Variants in ZNF430 observed in about 807,000 individuals in gnomAD.
ZNF430 encodes the protein zinc finger protein 430.
Under a neutral mutation model 56.7 loss-of-function variants are expected in ZNF430, and 35 were observed. That is an observed-to-expected ratio of 0.62 (90% confidence interval 0.47 to 0.82). The LOEUF is 0.82. Ranked by LOEUF, ZNF430 falls within the 40% of genes least tolerant of loss-of-function variation. The pLI is 0.00. For missense variants in ZNF430, 574 were observed against 661.0 expected (o/e 0.87, Z 1.44); for synonymous variants, 212 against 224.3 (o/e 0.94, Z 0.49).
chr19:21,041,816 C>T (rs1448109777), intron 4 of ZNF430, among the ~76,000 whole-genome samples: 2 of 152,146 alleles, frequency 1.3e-5, no homozygotes, highest in Non-Finnish European at 2.9e-5. Flanking sequence ...CTGGTTCAAG[C>T]GATTCTCCTG....
chr19:21,026,005 G>T, intron 2 of ZNF430: 1 of 389,026 alleles, frequency 2.6e-6, no homozygotes, highest in Non-Finnish European at 4.9e-6. Flanking sequence ...GTGGGCCCCA[G>T]ATCCATGGCA....
intron 4 of ZNF430, among the ~76,000 whole-genome samples, chr19:21,054,669 C>CTTTTTTTTTTTTTTTCTTTTTTTTTTTTT (rs1968339816): frequency 1.5e-5 from 1 of 65,582 alleles, no homozygotes; most frequent in African/African-American, 6.4e-5. Flanking sequence ...ATTTTTACGT[C>CTTTTTTTTTTTTTTTCTTTTTTTTTTTTT]TTTTTTTTTT....
intron 2 of ZNF430, among the ~76,000 whole-genome samples, chr19:21,026,482 C>A (rs781724840): frequency 6.6e-6 from 1 of 152,034 alleles, no homozygotes; most frequent in African/African-American, 2.4e-5. Context: ...CCACCGTGCC[C>A]GGCCAATCTC....
At chr19:21,021,102 GATCGTCACGGGAGAATCGTCACGGGAGA>G (rs970974993) in intron 1 of ZNF430, among the ~76,000 whole-genome samples, 6 of 152,176 alleles carry the variant, frequency 3.9e-5, no homozygotes, top group African/African-American at 7.2e-5. Flanking sequence ...ACCACGGGAG[GATCGTCACGGGAGAATCGTCACGGGAGA>G]ATCCTGACTT....
chr19:21,029,373 C>T (rs188059875), intron 2 of ZNF430, among the ~76,000 whole-genome samples: 1 of 151,154 alleles, frequency 6.6e-6, no homozygotes, highest in Non-Finnish European at 1.5e-5. Flanking sequence ...ATATATTTAT[C>T]TTCTAGTATA....
chr19:21,057,684 G>A lies in ZNF430; in HGVS notation c.1376G>A (p.Cys459Tyr). The change falls in exon 5 of 5, where the codon TGT becomes TAT. Residue 459 changes from cysteine to tyrosine, a missense_variant. Physicochemically the swap from Cys to Tyr is radical, Grantham distance 194 (BLOSUM62 -2). Around this residue, in one of 3 missense-constraint regions of ZNF430, gnomAD observed 213 missense variants for 221.0 expected, o/e 0.96. Coordinates refer to ENST00000261560, the MANE Select transcript of ZNF430 (RefSeq NM_025189.4). ...CATACTGGAGAGAAACCCTACAAAT[G>A]TGAAGAATGTGGCAAAGCCTTTAAC... ...IIHTGEKPYK[C>Y]EECGKAFNRS... is the part of the protein sequence containing the mutation. The A allele has an allele frequency of 1.9e-6, 3 of 1,611,036 alleles. No homozygotes were observed. Among genetic ancestry groups the A allele is most frequent in the South Asian group, 1.1e-5 (1 of 90,406 alleles).
chr19:21,047,306 A>G (rs1655224648), intron 4 of ZNF430, among the ~76,000 whole-genome samples: 1 of 152,126 alleles, frequency 6.6e-6, no homozygotes, highest in South Asian at 2.1e-4. Context: ...AAAGTTCATC[A>G]TTACCCACCT....
At chr19:21,034,479 C>A (rs1231414427) in intron 4 of ZNF430, 1 of 260,204 alleles carries the variant, frequency 3.8e-6, no homozygotes, top group African/African-American at 2.2e-5. Flanking sequence ...GGGGGACACA[C>A]AAATATCTAC....
At position 21,020,693 on chromosome 19, in the gene ZNF430, C is replaced by G; in HGVS notation, c.-108C>G. ...TGGCCTGAGCTCCAGGTCTCGTCTT[C>G]AGCGCTCTGTGTCCTCTGCTCCTAG... is the stretch of plus-strand genomic sequence containing the variant. On this transcript the variant is annotated 5_prime_UTR_variant, in exon 1 of 5. Transcript: ENST00000261560. The G allele has an allele frequency of 6.6e-7, 1 of 1,522,236 alleles. No homozygotes were observed. Among genetic ancestry groups the G allele is most frequent in the South Asian group, 1.1e-5 (1 of 88,774 alleles). The allele number at this position is 1,522,236 out of a possible 1,614,324, so 94.3% of individuals were successfully genotyped here.
chr19:21,026,211 C>T (rs377358569), intron 2 of ZNF430, among the ~76,000 whole-genome samples: 45 of 146,758 alleles, frequency 3.1e-4, no homozygotes, highest in African/African-American at 7.8e-4. Flanking sequence ...TTTCTTGAGA[C>T]GGAGTCTCAC....
intron 1 of ZNF430, among the ~76,000 whole-genome samples, chr19:21,021,740 C>T (rs1187441466): frequency 6.6e-6 from 1 of 151,122 alleles, no homozygotes. Flanking sequence ...GTAATCAGAC[C>T]TTAATTGGCA....
intron 2 of ZNF430, among the ~76,000 whole-genome samples, chr19:21,032,295 A>G (rs1346681804): frequency 6.6e-6 from 1 of 152,260 alleles, no homozygotes; most frequent in Non-Finnish European, 1.5e-5. Flanking sequence ...TAAAAATAAC[A>G]GAACATGGGA....
rs373906375 is a variant in ZNF430 at position 21,022,854 on chromosome 19, T to A, written c.69T>A (p.Asn23Lys). The A allele has an allele frequency of 1.3e-5, 21 of 1,613,668 alleles. No individual in the cohort carries two copies. In the African/African-American group the frequency reaches 2.8e-4, roughly 22 times the overall value. The change falls in exon 2 of 5, where the codon AAT becomes AAA. Residue 23 changes from asparagine to lysine, a missense_variant. Asn to Lys is a moderately conservative substitution (Grantham distance 94). Around this residue, in one of 3 missense-constraint regions of ZNF430, gnomAD observed 346 missense variants for 399.1 expected, o/e 0.87. Coordinates refer to ENST00000261560, the MANE Select transcript of ZNF430 (RefSeq NM_025189.4). ...EASGCPGADR[N>K]LLVYSFYEKG... ...GTGGATGCCCTGGGGCTGACAGGAA[T>A]CTTCTGGTGTACTCTTTTTATGAAA...
chr19:21,032,533 G>C (rs2144759996), intron 2 of ZNF430, among the ~76,000 whole-genome samples: 1 of 152,266 alleles, frequency 6.6e-6, no homozygotes, highest in Middle Eastern at 3.4e-3. Context: ...TTCGAGACCA[G>C]ACTGACCAAC....
intron 4 of ZNF430, among the ~76,000 whole-genome samples, chr19:21,040,426 A>C (rs1968082116): frequency 6.6e-6 from 1 of 152,190 alleles, no homozygotes; most frequent in Admixed American, 6.5e-5. Context: ...ACATTAATTC[A>C]AATGAGAGCT....
intron 1 of ZNF430, among the ~76,000 whole-genome samples, chr19:21,021,936 T>G (rs1251198703): frequency 2.0e-5 from 3 of 150,336 alleles, no homozygotes; most frequent in African/African-American, 7.4e-5. Flanking sequence ...GCTGCCTGTG[T>G]TCAAGCTTCT....
intron 2 of ZNF430, among the ~76,000 whole-genome samples, chr19:21,023,815 T>C (rs914433400): frequency 2.0e-5 from 3 of 152,236 alleles, no homozygotes; most frequent in Non-Finnish European, 2.9e-5. Flanking sequence ...TTTTATGAGA[T>C]GAAACTTGGT....
At chr19:21,031,982 C>T (rs544917654) in intron 2 of ZNF430, among the ~76,000 whole-genome samples, 16 of 152,224 alleles carry the variant, frequency 1.1e-4, no homozygotes, top group Admixed American at 3.3e-4. Context: ...TTATATGCCA[C>T]GCAGAATTCC....
chr19:21,020,697 G>A lies in ZNF430; in HGVS notation c.-104G>A. ...CTGAGCTCCAGGTCTCGTCTTCAGC[G>A]CTCTGTGTCCTCTGCTCCTAGAGGT... On this transcript the variant is annotated 5_prime_UTR_variant, in exon 1 of 5. Transcript: ENST00000261560. 1.3e-6 allele frequency: 2 copies of A among 1,531,948 alleles called. No homozygotes were observed. The highest frequency in any genetic ancestry group is 1.8e-6 in the Non-Finnish European group (2 of 1,109,526). The allele number at this position is 1,531,948 out of a possible 1,614,324, so 94.9% of individuals were successfully genotyped here.
Sources: gnomAD v4.1 joint callset for allele counts (sites outside exome capture counted in the v4.1 genomes callset) on GRCh38, gnomAD v4.1.1 for gene constraint, gnomAD v4.1.1 regional missense constraint, MANE v1.5 for transcripts, NCBI Gene and HGNC (gene_info 2026-07-23, HGNC 2026-07-21) for gene names.